Variants in MEF2C observed in about 807,000 individuals in gnomAD.
MEF2C encodes myocyte-specific enhancer factor 2C.
Under a neutral mutation model 50.5 loss-of-function variants are expected in MEF2C, and 6 were observed. That is an observed-to-expected ratio of 0.12 (90% CI 0.07 to 0.23). The LOEUF (loss-of-function observed/expected upper bound fraction) is 0.23, where lower values mean the gene tolerates loss of function less well. Among genes scored for constraint, MEF2C ranks in the 10% least tolerant of loss-of-function variants. MEF2C has a pLI of 1.00. For missense variants in MEF2C, 276 were observed against 605.0 expected (o/e 0.46, Z 5.70); for synonymous variants, 183 against 228.0 (o/e 0.80, Z 1.78).
At chr5:88,813,909 T>C (rs1178984836) in intron 2 of MEF2C, among the ~76,000 whole-genome samples, 1 of 152,036 alleles carries the variant, frequency 6.6e-6, no homozygotes, top group East Asian at 1.9e-4. Context: ...ATGATAAATA[T>C]AACCCTCATT....
chr5:88,801,647 C>T (rs531276304), intron 3 of MEF2C, among the ~76,000 whole-genome samples: 3 of 152,148 alleles, frequency 2.0e-5, no homozygotes, highest in Admixed American at 6.5e-5. Flanking sequence ...CCACCACGCT[C>T]GGCTAATTTT....
intron 6 of MEF2C, chr5:88,740,735 AG>A (rs1471868493): frequency 9.4e-5 from 93 of 985,136 alleles, no homozygotes; most frequent in Non-Finnish European, 1.1e-4. Flanking sequence ...CTGAAGGGAT[AG>A]TTTTTAATTG....
chr5:88,740,656 G>GACA, intron 6 of MEF2C: 1 of 980,850 alleles, frequency 1.0e-6, no homozygotes, highest in Non-Finnish European at 1.2e-6. Flanking sequence ...GGAAGAAATT[G>GACA]ACAATCTGAT....
Position 88,722,879 on chromosome 5 carries a change from G to T in MEF2C, c.1147C>A (p.Pro383Thr). ...HLSQSSNLSL[P>T]STQSLNIKSE... is the part of the protein sequence containing the mutation. Reference sequence around the variant, plus strand: ...TTGATGTTGAGGCTTTGAGTAGAAGGCAGGGAGAGATTTGAACTCTGAGAT... The same window carrying T: ...TTGATGTTGAGGCTTTGAGTAGAAGTCAGGGAGAGATTTGAACTCTGAGAT... Residue 383 changes from proline to threonine, a missense_variant, in exon 11 of 11, where the codon CCT becomes ACT. Around this residue, in one of 2 missense-constraint regions of MEF2C, gnomAD observed 256 missense variants for 468.1 expected, o/e 0.55. Coordinates refer to ENST00000504921, the MANE Select transcript of MEF2C (RefSeq NM_002397.5). 6.2e-7 allele frequency: 1 copy of T among 1,613,474 alleles called. No homozygotes were observed. Among genetic ancestry groups the T allele is most frequent in the East Asian group, 2.2e-5 (1 of 44,858 alleles).
intron 3 of MEF2C, among the ~76,000 whole-genome samples, chr5:88,762,945 G>T (rs1278997995): frequency 6.6e-6 from 1 of 152,050 alleles, no homozygotes; most frequent in Non-Finnish European, 1.5e-5. Context: ...TAAAAAGGGG[G>T]GTGTCAGTCT....
intron 2 of MEF2C, among the ~76,000 whole-genome samples, chr5:88,823,186 T>C (rs566487358): frequency 2.0e-5 from 3 of 152,112 alleles, no homozygotes; most frequent in East Asian, 1.9e-4. Context: ...AATTAACCGA[T>C]AGTCCTTGCC....
chr5:88,893,386 C>T (rs1834796216), intron 1 of MEF2C, among the ~76,000 whole-genome samples: 1 of 150,832 alleles, frequency 6.6e-6, no homozygotes, highest in Admixed American at 6.6e-5. Flanking sequence ...TCTTGGCTCA[C>T]TGCAACCTCT....
intron 2 of MEF2C, among the ~76,000 whole-genome samples, chr5:88,811,157 T>C (rs1802619999): frequency 6.6e-6 from 1 of 152,084 alleles, no homozygotes; most frequent in South Asian, 2.1e-4. Flanking sequence ...ATCTACAGGA[T>C]GGTAAACAGA....
intron 1 of MEF2C, among the ~76,000 whole-genome samples, chr5:88,896,997 T>C (rs1049737778): frequency 3.3e-5 from 5 of 151,940 alleles, no homozygotes; most frequent in African/African-American, 1.2e-4. Context: ...GATTTTTCCT[T>C]TGCGTTGGAA....
At chr5:88,897,875 C>G (rs1019702783) in intron 1 of MEF2C, among the ~76,000 whole-genome samples, 1 of 152,106 alleles carries the variant, frequency 6.6e-6, no homozygotes, top group Non-Finnish European at 1.5e-5. Context: ...TGTTAACAGT[C>G]TAGCTCAAAG....
At chr5:88,883,400 G>T, upstream of MEF2C, 1 of 151,932 alleles carries the variant, frequency 6.6e-6, no homozygotes, top group South Asian at 2.0e-4. Context: ...AAAGTAACCA[G>T]ACTCGTCCAG....
rs1000055661 is a variant in MEF2C, at chr5:88,722,125, C to T, written c.*479G>A. 11 of 154,812 alleles carry T rather than the reference C, an allele frequency of 7.1e-5. No homozygotes were observed. Among genetic ancestry groups the T allele is most frequent in the African/African-American group, 2.7e-4 (11 of 41,396 alleles). The allele number at this position is 154,812 out of a possible 1,614,324, so 9.6% of individuals were successfully genotyped here. On this transcript the variant is annotated 3_prime_UTR_variant, in exon 11 of 11. Coordinates refer to ENST00000504921, the MANE Select transcript of MEF2C (RefSeq NM_002397.5). ...GAGCATTCTTGGGATGTCAGGTGACCTGGTGTGTTCCTAACATTTACCAAT... is the reference window on the plus strand; with the variant it reads ...GAGCATTCTTGGGATGTCAGGTGACTTGGTGTGTTCCTAACATTTACCAAT...
chr5:88,894,723 A>ATTT (rs1834936808), intron 1 of MEF2C, among the ~76,000 whole-genome samples: 1 of 152,194 alleles, frequency 6.6e-6, no homozygotes, highest in African/African-American at 2.4e-5. Context: ...TTTTGATATG[A>ATTT]TTTTATAACC....
At chr5:88,727,123 T>C (rs1455809329) in intron 10 of MEF2C, among the ~76,000 whole-genome samples, 1 of 152,170 alleles carries the variant, frequency 6.6e-6, no homozygotes, top group Non-Finnish European at 1.5e-5. Flanking sequence ...GATGGAATTA[T>C]GTGCTTGGTG....
Position 88,722,790 on chromosome 5 carries a change from C to A in MEF2C, c.1236G>T (p.Thr412=). ...TTTPSRYPQH[T]RHEAGRSPVD... is the part of the protein sequence containing the mutation. ...CAGGAGATCTCCCCGCCTCGTGGCG[C>A]GTGTGTTGTGGGTATCTCGAAGGGG... is the stretch of plus-strand genomic sequence containing the variant. The change falls in exon 11 of 11, where the codon ACG becomes ACT. Residue 412 remains threonine, a synonymous_variant. Transcript: ENST00000504921. The A allele has an allele frequency of 1.2e-6, 2 of 1,613,942 alleles. No individual in the cohort carries two copies. Among genetic ancestry groups the A allele is most frequent in the Non-Finnish European group, 8.5e-7 (1 of 1,179,886 alleles).
Position 88,752,050 on chromosome 5 carries a change from G to T in MEF2C, c.403-7C>A. On this transcript the variant is annotated splice_polypyrimidine_tract_variant and splice_region_variant and intron_variant, in intron 4 of 10. Transcript: ENST00000504921. ...AGTTGGGAGGTGGAACAGCCTGCAG[G>T]AACAGAAAACAAAACAAAGGTAAAA... 6.3e-7 allele frequency: 1 copy of T among 1,592,940 alleles called. No homozygotes were observed. The highest frequency in any genetic ancestry group is 1.1e-5 in the South Asian group (1 of 87,704).
chr5:88,824,410 G>A, intron 1 of MEF2C: 10 of 922,130 alleles, frequency 1.1e-5, no homozygotes, highest in Non-Finnish European at 1.3e-5. Flanking sequence ...CAAATAGGAT[G>A]GACGATTATG....
At chr5:88,771,369 C>T in intron 3 of MEF2C, 1 of 906,344 alleles carries the variant, frequency 1.1e-6, no homozygotes, top group Non-Finnish European at 1.3e-6. Flanking sequence ...CTCTCAGTTA[C>T]ACAAACCTTA....
chr5:88,746,238 G>A (rs1445623102), intron 6 of MEF2C, among the ~76,000 whole-genome samples: 2 of 152,180 alleles, frequency 1.3e-5, no homozygotes, highest in Non-Finnish European at 2.9e-5. Context: ...GCAGGGAGAT[G>A]AATTAGGATG....
Sources: gnomAD v4.1 joint callset for allele counts (sites outside exome capture counted in the v4.1 genomes callset) on GRCh38, gnomAD v4.1.1 for gene constraint, gnomAD v4.1.1 regional missense constraint, MANE v1.5 for transcripts, NCBI Gene and HGNC (gene_info 2026-07-23, HGNC 2026-07-21) for gene names.